NAF1: variants seen among roughly 807,000 people sequenced by gnomAD.
NAF1 encodes the protein H/ACA ribonucleoprotein complex non-core subunit NAF1.
Under a neutral mutation model 40.6 loss-of-function variants are expected in NAF1, and 11 were observed. The observed-to-expected ratio is 0.27, with a 90% confidence interval of 0.17 to 0.45. The LOEUF is 0.45. Among genes scored for constraint, NAF1 ranks in the 20% least tolerant of loss-of-function variants. The pLI is 1.00. For synonymous variants in NAF1, 260 were observed against 228.5 expected (o/e 1.14, Z -1.24); for missense variants, 607 against 611.1 (o/e 0.99, Z 0.07).
chr4:163,162,503 C>A (rs1732269310), intron 2 of NAF1, among the ~76,000 whole-genome samples: 1 of 152,178 alleles, frequency 6.6e-6, no homozygotes, highest in African/African-American at 2.4e-5. Flanking sequence ...ACCCATCATT[C>A]CAAGTTTGAA....
At chr4:163,162,931 A>G (rs760240507) in intron 2 of NAF1, among the ~76,000 whole-genome samples, 31 of 152,258 alleles carry the variant, frequency 2.0e-4, no homozygotes, top group Non-Finnish European at 4.6e-4. Context: ...CATTCTGTTC[A>G]GAAAAATACC....
In NAF1 at chr4:163,164,318, T is replaced by C. The variant is rs34283388; in HGVS notation, c.439A>G (p.Ile147Val). The C allele has an allele frequency of 1.7e-3, 2,727 of 1,602,504 alleles. 52 individuals are homozygous for C. The African/African-American group carries it at 0.032, about 19-fold the overall frequency. The stretch of plus-strand genomic sequence containing the variant: ...TCTGACAGCACTGGAGGAAGTGATA[T>C]ACAAGAGGAAGAAGACGACGATGAG... The part of the protein sequence containing the change: ...SSSSSSSSSC[I>V]SLPPVLSDGD... Residue 147 changes from isoleucine to valine, a missense_variant, in exon 2 of 8, where the codon ATA becomes GTA. Ile to Val is a conservative substitution (Grantham distance 29). Coordinates refer to ENST00000274054, the MANE Select transcript of NAF1 (RefSeq NM_138386.3).
chr4:163,120,450 T>C (rs1730484928), intron 2 of NAF1, among the ~76,000 whole-genome samples: 1 of 152,216 alleles, frequency 6.6e-6, no homozygotes, highest in African/African-American at 2.4e-5. Flanking sequence ...ATCCTCAATA[T>C]AAATAAAAAG....
At chr4:163,151,704 T>C (rs977834903) in intron 2 of NAF1, among the ~76,000 whole-genome samples, 2 of 152,164 alleles carry the variant, frequency 1.3e-5, no homozygotes, top group Admixed American at 6.5e-5. Context: ...ATTTTTCCCC[T>C]TGGAATTTTT....
chr4:163,142,554 CT>C (rs1731302271), intron 4 of NAF1, among the ~76,000 whole-genome samples: 1 of 152,196 alleles, frequency 6.6e-6, no homozygotes, highest in African/African-American at 2.4e-5. Context: ...TTTTAGTTGA[CT>C]GTTCCTAGGT....
Position 163,128,846 on chromosome 4 carries a change from C to A in NAF1, c.*51G>T. 7.0e-7 allele frequency: 1 copy of A among 1,426,336 alleles called. No homozygotes were observed. Among genetic ancestry groups the A allele is most frequent in the Admixed American group, 2.4e-5 (1 of 40,938 alleles). The allele number at this position is 1,426,336 out of a possible 1,614,324, so 88.4% of individuals were successfully genotyped here. On this transcript the variant is annotated 3_prime_UTR_variant, in exon 8 of 8. Transcript: ENST00000274054. Reference sequence around the variant, plus strand: ...ATAATCACTCTTGAAAAAAAAAAATCCTTACCACATAATATGAAAAGTCCA... The same window carrying A: ...ATAATCACTCTTGAAAAAAAAAAATACTTACCACATAATATGAAAAGTCCA...
chr4:163,112,333 G>A (rs960727518), intron 2 of NAF1, among the ~76,000 whole-genome samples: 5 of 152,174 alleles, frequency 3.3e-5, no homozygotes, highest in African/African-American at 1.2e-4. Context: ...TGAACATGGT[G>A]ATGGAAATCT....
At chr4:163,104,062 G>T in the NAF1 span, among the ~76,000 whole-genome samples, 4 of 151,398 alleles carry the variant, frequency 2.6e-5, no homozygotes, top group East Asian at 7.8e-4. Context: ...GTCAAAGGGG[G>T]TTGTTCTCTT....
At chr4:163,136,653 C>T (rs1440759675) in intron 6 of NAF1, among the ~76,000 whole-genome samples, 1 of 152,036 alleles carries the variant, frequency 6.6e-6, no homozygotes, top group Admixed American at 6.5e-5. Flanking sequence ...ATCAAGTCAC[C>T]TTGGGGCATA....
Position 163,133,169 on chromosome 4 carries a change from C to G in NAF1, c.1018G>C (p.Glu340Gln). ...ATTCACTCACCAGGCTCATTAAATT[C>G]AGATTTGAGTTTTTTCCGGCCTTGA... Reference protein sequence around the residue: ...QIQGRKKLKSEFNEPGEDFTE... With the variant: ...QIQGRKKLKSQFNEPGEDFTE... Residue 340 changes from glutamate (E) to glutamine (Q), a missense_variant, in exon 7 of 8, where the codon GAA becomes CAA. Physicochemically the swap from Glu to Gln is conservative, Grantham distance 29 (BLOSUM62 2). Coordinates refer to ENST00000274054, the MANE Select transcript of NAF1 (RefSeq NM_138386.3). 1 of 1,613,512 alleles carries G rather than the reference C, an allele frequency of 6.2e-7. No homozygotes were observed. The highest frequency in any genetic ancestry group is 8.5e-7 in the Non-Finnish European group (1 of 1,179,636).
chr4:163,126,343 T>C (rs1730655220), downstream of NAF1, among the ~76,000 whole-genome samples: 1 of 152,146 alleles, frequency 6.6e-6, no homozygotes. Context: ...AAAATACCAA[T>C]ATTAACAGGA....
intron 2 of NAF1, among the ~76,000 whole-genome samples, chr4:163,148,981 A>C (rs968642131): frequency 1.1e-4 from 17 of 152,136 alleles, no homozygotes; most frequent in African/African-American, 3.6e-4. Flanking sequence ...TGAAGTCCTG[A>C]AAAAAGAATA....
At position 163,164,142 on chromosome 4, in the gene NAF1, C is replaced by A. The variant is rs1235713092; in HGVS notation, c.540+75G>T. 2.9e-6 allele frequency: 4 copies of A among 1,370,922 alleles called. No homozygotes were observed. The African/African-American group carries it at 6.0e-5, about 21-fold the overall frequency. 84.9% of individuals were successfully genotyped at this position (1,370,922 alleles called of 1,614,324 possible). On this transcript the variant is annotated intron_variant, in intron 2 of 7. Coordinates refer to ENST00000274054, the MANE Select transcript of NAF1 (RefSeq NM_138386.3). ...TTCAAATTTATGGAGCAGATATAGG[C>A]AAAATTAGATCAATACTGGTACCAG... is the stretch of plus-strand genomic sequence containing the variant.
chr4:163,159,549 T>C (rs1560807253), intron 2 of NAF1, among the ~76,000 whole-genome samples: 1 of 152,124 alleles, frequency 6.6e-6, no homozygotes. Flanking sequence ...ATTTCATATA[T>C]GATGGGAGAT....
intron 2 of NAF1, 89 bp downstream of exon 2, chr4:163,164,128 G>A (rs1190093509): frequency 7.5e-7 from 1 of 1,336,114 alleles, no homozygotes; most frequent in Non-Finnish European, 9.6e-7. Flanking sequence ...TCAAATTTAT[G>A]GAGCAGATAT....
At chr4:163,149,749 T>C (rs1280608300) in intron 2 of NAF1, among the ~76,000 whole-genome samples, 4 of 152,280 alleles carry the variant, frequency 2.6e-5, no homozygotes, top group South Asian at 2.1e-4. Context: ...CATGTGTGTA[T>C]CAGAATGCAG....
At chr4:163,137,816 G>A (rs1186003890) in intron 5 of NAF1, among the ~76,000 whole-genome samples, 1 of 152,116 alleles carries the variant, frequency 6.6e-6, no homozygotes, top group African/African-American at 2.4e-5. Flanking sequence ...TGAATAGTTG[G>A]AGGAAGAGGA....
intron 2 of NAF1, among the ~76,000 whole-genome samples, chr4:163,111,987 T>C (rs998464286): frequency 6.6e-6 from 1 of 152,114 alleles, no homozygotes; most frequent in Non-Finnish European, 1.5e-5. Flanking sequence ...AAAAGGGCAG[T>C]TTCCACTAAT....
chr4:163,164,097 C>A, intron 2 of NAF1, 120 bp downstream of exon 2: 1 of 1,271,808 alleles, frequency 7.9e-7, no homozygotes. Flanking sequence ...AAAAGCATGC[C>A]TATTAGGCTG....
Sources: gnomAD v4.1 joint callset for allele counts (sites outside exome capture counted in the v4.1 genomes callset) on GRCh38, gnomAD v4.1.1 for gene constraint, MANE v1.5 for transcripts, NCBI Gene and HGNC (gene_info 2026-07-23, HGNC 2026-07-21) for gene names.